POTEE: variants seen among roughly 807,000 people sequenced by gnomAD.
The protein encoded by POTEE is ANKRD26-like family C member 1A.
POTEE carries 21 observed loss-of-function variants against 74.2 expected under a neutral mutation model. The ratio of observed to expected loss-of-function variants is 0.28; its 90% CI spans 0.20 to 0.41. POTEE has a LOEUF of 0.41. POTEE is among the 10% of genes least tolerant of loss of function. The probability of loss-of-function intolerance (pLI) is 1.00; values close to 1 mark genes in which losing one functional copy is unlikely to be tolerated. For missense variants in POTEE, 525 were observed against 1,158.6 expected (o/e 0.45, Z 7.94); for synonymous variants, 211 against 432.8 (o/e 0.49, Z 6.36).
intron 4 of POTEE, among the ~76,000 whole-genome samples, chr2:131,221,082 A>C (rs1275514422): frequency 1.3e-5 from 2 of 152,224 alleles, no homozygotes; most frequent in Non-Finnish European, 2.9e-5. Flanking sequence ...CAGCTTTTCA[A>C]ACAAACACTT....
At chr2:131,235,601 A>G (rs181163054) in intron 9 of POTEE, among the ~76,000 whole-genome samples, 3,403 of 151,944 alleles carry the variant, frequency 0.022, 142 homozygotes, top group African/African-American at 0.075. Flanking sequence ...CAGGACCATC[A>G]TGGCCAATGG....
chr2:131,243,521 A>C (rs1701291319), intron 12 of POTEE, among the ~76,000 whole-genome samples: 1 of 151,948 alleles, frequency 6.6e-6, no homozygotes, highest in Non-Finnish European at 1.5e-5. Flanking sequence ...CTACCTAATA[A>C]ATACTTATTA....
chr2:131,256,814 A>G (rs1456267075), intron 16 of POTEE, among the ~76,000 whole-genome samples: 1 of 150,032 alleles, frequency 6.7e-6, no homozygotes, highest in Non-Finnish European at 1.5e-5. Context: ...ATGAAAAAAA[A>G]GAGAGATAAT....
intron 5 of POTEE, 44 bp downstream of exon 5, chr2:131,223,754 C>G (rs779904301): frequency 1.6e-5 from 25 of 1,609,856 alleles, no homozygotes; most frequent in Non-Finnish European, 2.1e-5. Context: ...GGTTTGATTT[C>G]AATACATAGC....
rs548682023 is a variant in POTEE at position 131,228,795 on chromosome 2, G to C, written c.1055+414G>C. ...TCCTTGAATTTTTCAAGAACCGAAGGAGTTCACTAAATCCAAGGAAGACAG... is the reference window on the plus strand; with the variant it reads ...TCCTTGAATTTTTCAAGAACCGAAGCAGTTCACTAAATCCAAGGAAGACAG... On this transcript the variant is annotated intron_variant, in intron 8 of 17. Transcript: ENST00000683005. Among the ~76,000 whole-genome samples, 13 of 146,688 alleles carry C rather than the reference G, an allele frequency of 8.9e-5. No homozygotes were observed. In the East Asian group the frequency reaches 2.5e-3, roughly 28 times the overall value.
intron 2 of POTEE, among the ~76,000 whole-genome samples, chr2:131,215,194 C>A (rs1326300095): frequency 6.6e-6 from 1 of 151,978 alleles, no homozygotes; most frequent in Admixed American, 6.6e-5. Flanking sequence ...GCAATGCTAT[C>A]TCAAGTATTT....
chr2:131,221,546 A>G (rs1428264110), intron 4 of POTEE, among the ~76,000 whole-genome samples: 2 of 152,128 alleles, frequency 1.3e-5, no homozygotes, highest in Non-Finnish European at 2.9e-5. Flanking sequence ...TTGGGAAGAG[A>G]AGGAATATGC....
chr2:131,210,597 C>A (rs567680760), intron 1 of POTEE, among the ~76,000 whole-genome samples: 1,772 of 152,054 alleles, frequency 0.012, 31 homozygotes, highest in African/African-American at 0.04. Flanking sequence ...ACACCCACTG[C>A]GGTTCTCCGG....
At chr2:131,232,763 T>G (rs1376510672) in intron 9 of POTEE, among the ~76,000 whole-genome samples, 1 of 151,760 alleles carries the variant, frequency 6.6e-6, no homozygotes, top group Non-Finnish European at 1.5e-5. Flanking sequence ...AGCTGTGCTG[T>G]TGACAGTGTT....
chr2:131,231,556 G>A (rs1700959723), intron 9 of POTEE, among the ~76,000 whole-genome samples: 1 of 152,018 alleles, frequency 6.6e-6, no homozygotes, highest in African/African-American at 2.4e-5. Flanking sequence ...ACATATGCTT[G>A]TCCCAATAAG....
intron 9 of POTEE, among the ~76,000 whole-genome samples, chr2:131,232,941 A>G (rs1289190743): frequency 5.3e-5 from 8 of 151,964 alleles, no homozygotes; most frequent in Non-Finnish European, 7.4e-5. Flanking sequence ...GCTGGGTCAC[A>G]CCACATGCTC....
At chr2:131,237,677 G>T (rs1227731994) in intron 10 of POTEE, among the ~76,000 whole-genome samples, 2 of 151,834 alleles carry the variant, frequency 1.3e-5, no homozygotes, top group African/African-American at 2.4e-5. Context: ...CTTTCTGTTT[G>T]GTGTTGATTT....
At position 131,217,479 on chromosome 2, in the gene POTEE, C is replaced by T. The variant is rs1361918171; in HGVS notation, c.-188-110C>T. 3.0e-5 allele frequency among the ~76,000 whole-genome samples: 4 copies of T among 135,002 alleles called. No homozygotes were observed. The South Asian group carries it at 1.1e-3, about 37-fold the overall frequency. 88.6% of individuals were successfully genotyped at this position (135,002 alleles called of 152,430 possible). A position where few individuals can be genotyped will look rare whatever the true frequency, so the allele number is the denominator to read the frequency against. On this transcript the variant is annotated intron_variant, in intron 2 of 17. Coordinates refer to ENST00000683005, the MANE Select transcript of POTEE (RefSeq NM_001083538.3). Reference sequence around the variant, plus strand: ...CTGCAGCTGCTGCCATGCACAACAGCACCGCCAGGAGTGTCCTGGGGGCTT... The same window carrying T: ...CTGCAGCTGCTGCCATGCACAACAGTACCGCCAGGAGTGTCCTGGGGGCTT...
At chr2:131,237,746 C>G (rs1245767765) in intron 10 of POTEE, among the ~76,000 whole-genome samples, 3 of 152,196 alleles carry the variant, frequency 2.0e-5, no homozygotes, top group African/African-American at 7.2e-5. Flanking sequence ...TAGAAAAGCA[C>G]TTCAGTGCAC....
chr2:131,230,970 G>A lies in POTEE; in HGVS notation c.1126+64G>A, dbSNP rs545355527. On this transcript the variant is annotated intron_variant, in intron 9 of 17. Coordinates refer to ENST00000683005, the MANE Select transcript of POTEE (RefSeq NM_001083538.3). ...CCCAACCTTTTTGACACCAGGGACC[G>A]GTTTTGTGGAAGACAATTTTTCCAT... is the stretch of plus-strand genomic sequence containing the variant. 1.0e-4 allele frequency: 150 copies of A among 1,507,070 alleles called. No individual in the cohort carries two copies. In the African/African-American group the frequency reaches 1.7e-3, roughly 17 times the overall value. 93.4% of individuals were successfully genotyped at this position (1,507,070 alleles called of 1,614,324 possible). A position where few individuals can be genotyped will look rare whatever the true frequency, so the allele number is the denominator to read the frequency against.
chr2:131,218,720 C>T lies in POTEE; in HGVS notation c.318C>T (p.Phe106=). 1.3e-6 allele frequency: 2 copies of T among 1,572,766 alleles called. No homozygotes were observed. Among genetic ancestry groups the T allele is most frequent in the Non-Finnish European group, 1.7e-6 (2 of 1,151,394 alleles). Residue 106 remains phenylalanine, a synonymous_variant, in exon 4 of 18, where the codon TTC becomes TTT. Coordinates refer to ENST00000683005, the MANE Select transcript of POTEE (RefSeq NM_001083538.3). ...NKMGKWCCHC[F]PCCRGSGKSK... ...TGGGGAAGTGGTGCTGCCACTGCTT[C>T]CCCTGCTGCAGGGGGAGCGGCAAGA...
chr2:131,212,585 A>T (rs1393518367), intron 2 of POTEE, among the ~76,000 whole-genome samples: 228 of 58,422 alleles, frequency 3.9e-3, no homozygotes, highest in African/African-American at 0.017. Context: ...TTTTTTTGAG[A>T]TGGAGTTTTG....
chr2:131,248,532 G>A (rs1289966691), intron 13 of POTEE, among the ~76,000 whole-genome samples: 2 of 151,422 alleles, frequency 1.3e-5, no homozygotes, highest in Non-Finnish European at 3.0e-5. Context: ...GAATATTCGT[G>A]TAGGGTATTT....
At chr2:131,237,528 A>G (rs1447109346) in intron 10 of POTEE, among the ~76,000 whole-genome samples, 2 of 151,278 alleles carry the variant, frequency 1.3e-5, no homozygotes, top group Non-Finnish European at 2.9e-5. Flanking sequence ...AAATTAGTAC[A>G]TATTATTAAA....
Sources: gnomAD v4.1 joint callset for allele counts (sites outside exome capture counted in the v4.1 genomes callset) on GRCh38, gnomAD v4.1.1 for gene constraint, MANE v1.5 for transcripts, NCBI Gene and HGNC (gene_info 2026-07-23, HGNC 2026-07-21) for gene names.